UGGT2: variants seen among roughly 807,000 people sequenced by gnomAD.
UGGT2 encodes UDP-glucose glycoprotein glucosyltransferase 2, also known as UDP-glucose:glycoprotein glucosyltransferase 2.
UGGT2 carries 180 observed loss-of-function variants against 192.1 expected under a neutral mutation model. The observed-to-expected ratio is 0.94, with a 90% confidence interval of 0.83 to 1.06. The LOEUF is 1.06. Ranked by LOEUF, UGGT2 falls within the 50% of genes least tolerant of loss-of-function variation. UGGT2 has a pLI of 0.00. For synonymous variants in UGGT2, 580 were observed against 591.0 expected, an observed-to-expected ratio of 0.98 and a Z score of 0.27; for missense variants, 1,849 against 1,795.7, an observed-to-expected ratio of 1.03 and a Z score of -0.54.
chr13:95,863,519 C>T lies in UGGT2; in HGVS notation c.3644+110G>A. 3 of 782,160 alleles carry T rather than the reference C, an allele frequency of 3.8e-6. No individual in the cohort carries two copies. The South Asian group carries it at 4.7e-5, about 12-fold the overall frequency. The allele number at this position is 782,160 out of a possible 1,614,324, so 48.5% of individuals were successfully genotyped here. On this transcript the variant is annotated intron_variant, in intron 31 of 38. Coordinates refer to ENST00000376747, the MANE Select transcript of UGGT2 (RefSeq NM_020121.4). ...CATTTATGTATTTATCTTATCCCTC[C>T]TAGATTAGAGGACCTTTGCCTTACT...
chr13:95,974,006 T>C (rs1361062838), intron 10 of UGGT2, among the ~76,000 whole-genome samples: 1 of 152,150 alleles, frequency 6.6e-6, no homozygotes, highest in Non-Finnish European at 1.5e-5. Flanking sequence ...AGTCACATAA[T>C]AGGGACTTGT....
In UGGT2 at chr13:95,931,834, G is replaced by A. The variant is rs189462481; in HGVS notation, c.1978-4498C>T. On this transcript the variant is annotated intron_variant, in intron 17 of 38. Coordinates refer to ENST00000376747, the MANE Select transcript of UGGT2 (RefSeq NM_020121.4). ...CGCGCCTCTCCCTCCACACCTCCCC[G>A]CAAGCAGAGGGAGCCGGCTCCGGCC... is the stretch of plus-strand genomic sequence containing the variant. 3.2e-3 allele frequency among the ~76,000 whole-genome samples: 486 copies of A among 152,192 alleles called. 3 individuals carry two copies. Among genetic ancestry groups the A allele is most frequent in the African/African-American group, 0.011 (463 of 41,542 alleles).
chr13:95,984,454 A>G (rs2051227968), intron 9 of UGGT2, among the ~76,000 whole-genome samples: 1 of 152,020 alleles, frequency 6.6e-6, no homozygotes, highest in Non-Finnish European at 1.5e-5. Flanking sequence ...TCAGCCTCTC[A>G]ATTAGATAGG....
In UGGT2 at chr13:95,814,522, T is replaced by A. The variant is rs149840411; in HGVS notation, c.4529-12710A>T. The stretch of plus-strand genomic sequence containing the variant: ...GGAATGTTTATCCAATGCTTACATC[T>A]CCTTTGTATCTTGGAAATAACTAAC... On this transcript the variant is annotated intron_variant, in intron 38 of 38. Transcript: ENST00000376747. 2.9e-3 allele frequency among the ~76,000 whole-genome samples: 436 copies of A among 152,354 alleles called. 1 individual carries two copies. Among genetic ancestry groups the A allele is most frequent in the African/African-American group, 0.01 (420 of 41,584 alleles).
intron 32 of UGGT2, among the ~76,000 whole-genome samples, 161 bp downstream of exon 32, chr13:95,860,627 A>G (rs1042700630): frequency 2.0e-5 from 3 of 151,424 alleles, no homozygotes; most frequent in African/African-American, 7.3e-5. Flanking sequence ...AGCAGGATAT[A>G]AAAATAATAT....
At chr13:95,851,282 G>A (rs1889002659) in intron 36 of UGGT2, among the ~76,000 whole-genome samples, 1 of 152,214 alleles carries the variant, frequency 6.6e-6, no homozygotes, top group Admixed American at 6.6e-5. Flanking sequence ...GGTCATTAAT[G>A]TGGCAATGCC....
chr13:95,926,043 T>G (rs1364777311), intron 19 of UGGT2, among the ~76,000 whole-genome samples: 1 of 152,090 alleles, frequency 6.6e-6, no homozygotes, highest in Non-Finnish European at 1.5e-5. Context: ...GAGTAACTCA[T>G]TATATAAGCT....
At chr13:95,818,328 T>A (rs1294849113) in intron 38 of UGGT2, among the ~76,000 whole-genome samples, 1 of 152,098 alleles carries the variant, frequency 6.6e-6, no homozygotes, top group Non-Finnish European at 1.5e-5. Context: ...GAAAAGAAAA[T>A]CTTTGCATTG....
At chr13:96,032,125 G>A (rs928226956) in intron 1 of UGGT2, among the ~76,000 whole-genome samples, 154 bp from the exon 2 acceptor site, 10 of 151,862 alleles carry the variant, frequency 6.6e-5, no homozygotes, top group Admixed American at 1.3e-4. Flanking sequence ...CTATAACACT[G>A]GAAAAAAACA....
At chr13:95,803,122 C>T (rs898632800) in intron 38 of UGGT2, among the ~76,000 whole-genome samples, 1 of 152,156 alleles carries the variant, frequency 6.6e-6, no homozygotes, top group Non-Finnish European at 1.5e-5. Context: ...GCGTAAGCCA[C>T]TGTGCCCAGC....
At chr13:96,045,710 T>C (rs1036025208) in intron 1 of UGGT2, among the ~76,000 whole-genome samples, 1 of 152,080 alleles carries the variant, frequency 6.6e-6, no homozygotes, top group African/African-American at 2.4e-5. Flanking sequence ...ACTGAGAATC[T>C]AATCAAGAAC....
intron 1 of UGGT2, among the ~76,000 whole-genome samples, chr13:96,050,766 T>C (rs2053460595): frequency 6.6e-6 from 1 of 151,964 alleles, no homozygotes; most frequent in African/African-American, 2.4e-5. Flanking sequence ...GAAATGCAAA[T>C]CAAAACCACA....
intron 12 of UGGT2, among the ~76,000 whole-genome samples, chr13:95,959,635 G>A (rs1217419624): frequency 6.6e-6 from 1 of 152,186 alleles, no homozygotes; most frequent in Non-Finnish European, 1.5e-5. Context: ...CCTGGGCAAT[G>A]GCTGACCCAG....
intron 29 of UGGT2, 80 bp from the exon 30 acceptor site, chr13:95,867,503 T>G: frequency 4.2e-6 from 5 of 1,201,474 alleles, no homozygotes; most frequent in South Asian, 1.4e-5. Flanking sequence ...AAACTCATTT[T>G]GCAATAAACG....
chr13:95,816,215 G>A (rs1240233689), intron 38 of UGGT2, among the ~76,000 whole-genome samples: 1 of 152,158 alleles, frequency 6.6e-6, no homozygotes, highest in Non-Finnish European at 1.5e-5. Flanking sequence ...AGTCTGTAGG[G>A]AAATGTAAAC....
Position 95,903,039 on chromosome 13 carries a change from A to C in UGGT2, c.2317T>G (p.Leu773Val). ...GATGTAGGATTATAAATAATCCCCA[A>C]CCGACTATGAACACTTGTTTTCTGC... ...KHMKTSVHSR[L>V]GIIYNPTSKI... is the part of the protein sequence containing the mutation. The change falls in exon 21 of 39, where the codon TTG becomes GTG. Residue 773 changes from leucine (L) to valine (V), a missense_variant. Transcript: ENST00000376747. The C allele has an allele frequency of 6.2e-7, 1 of 1,611,930 alleles. No individual in the cohort carries two copies. Among genetic ancestry groups the C allele is most frequent in the Non-Finnish European group, 8.5e-7 (1 of 1,179,388 alleles).
chr13:95,817,171 A>T (rs972227144), intron 38 of UGGT2, among the ~76,000 whole-genome samples: 3 of 152,234 alleles, frequency 2.0e-5, no homozygotes, highest in African/African-American at 7.2e-5. Context: ...GGTGAATCTT[A>T]TACCTCAGTA....
intron 22 of UGGT2, among the ~76,000 whole-genome samples, chr13:95,897,131 C>CT (rs2047969307): frequency 6.6e-6 from 1 of 152,016 alleles, no homozygotes; most frequent in African/African-American, 2.4e-5. Context: ...AAAATTTACT[C>CT]TGTGTTTGGG....
At chr13:96,034,774 G>A (rs2052948716) in intron 1 of UGGT2, among the ~76,000 whole-genome samples, 1 of 152,186 alleles carries the variant, frequency 6.6e-6, no homozygotes, top group African/African-American at 2.4e-5. Context: ...CCAGTACCTG[G>A]AGCTGCCCAC....
Sources: allele counts gnomAD v4.1 joint callset (sites outside exome capture counted in the v4.1 genomes callset), GRCh38; gene constraint gnomAD v4.1.1; transcripts MANE v1.5; gene names NCBI Gene and HGNC (gene_info 2026-07-23, HGNC 2026-07-21).